BANP: variants seen among roughly 807,000 people sequenced by gnomAD.
The protein encoded by BANP is BTG3 associated nuclear protein, also known as protein BANP.
Under a neutral mutation model 68.1 loss-of-function variants are expected in BANP, and 11 were observed. The ratio of observed to expected loss-of-function variants is 0.16; its 90% CI spans 0.10 to 0.27. The LOEUF is 0.27. BANP is among the 10% of genes least tolerant of loss of function. The pLI is 1.00. For missense variants in BANP, 504 were observed against 722.7 expected, an observed-to-expected ratio of 0.70 and a Z score of 3.47; for synonymous variants, 329 against 303.2, an observed-to-expected ratio of 1.09 and a Z score of -0.88.
intron 6 of BANP, among the ~76,000 whole-genome samples, chr16:88,013,480 C>G (rs1230992521): frequency 2.0e-5 from 3 of 152,102 alleles, no homozygotes; most frequent in African/African-American, 7.2e-5. Flanking sequence ...TGGGCCCGCC[C>G]CATGCCTAGT....
chr16:88,064,296 C>T lies in BANP; in HGVS notation c.1312-971C>T, dbSNP rs562575772. Among the ~76,000 whole-genome samples, 1 of 152,304 alleles carries T rather than the reference C, an allele frequency of 6.6e-6. No homozygotes were observed. The highest frequency in any genetic ancestry group is 1.9e-4 in the East Asian group (1 of 5,176). The stretch of plus-strand genomic sequence containing the variant: ...GCCTCCGTGGCAGCGCTCCCAGCAC[C>T]CTGTGCGTCCCTTGCACCCTTGCCC... On this transcript the variant is annotated intron_variant, in intron 11 of 13. Transcript: ENST00000682872. This position sits in a 1 kb window ranked among gnomAD's most constrained non-coding sequence, Gnocchi z 4.5.
rs373405995 is a variant in BANP at position 87,957,539 on chromosome 16, C to T, written c.-69+6024C>T. Among the ~76,000 whole-genome samples the T allele has an allele frequency of 9.1e-4, 138 of 152,344 alleles. 1 individual carries two copies. The highest frequency in any genetic ancestry group is 3.1e-3 in the African/African-American group (127 of 41,582). On this transcript the variant is annotated intron_variant, in intron 1 of 13. Transcript: ENST00000682872. This position sits in a 1 kb window ranked among gnomAD's most constrained non-coding sequence, Gnocchi z 4.3. Reference sequence around the variant, plus strand: ...CACGGAGGCCTGCCGCAGGGCCCTGCGCTGACAAACCTTTCGCTAGTGACC... The same window carrying T: ...CACGGAGGCCTGCCGCAGGGCCCTGTGCTGACAAACCTTTCGCTAGTGACC...
At position 88,007,935 on chromosome 16, in the gene BANP, A is replaced by G. The variant is rs117622177; in HGVS notation, c.655+1670A>G. 5.8e-3 allele frequency among the ~76,000 whole-genome samples: 875 copies of G among 152,080 alleles called. 2 individuals carry two copies. The highest frequency in any genetic ancestry group is 9.7e-3 in the Non-Finnish European group (660 of 68,000). On this transcript the variant is annotated intron_variant, in intron 6 of 13. Transcript: ENST00000682872. Reference sequence around the variant, plus strand: ...AGCATACGTCTCAGTTGTTTTTAGTATATTCTCAAGGTTGTACAGTCATCA... The same window carrying G: ...AGCATACGTCTCAGTTGTTTTTAGTGTATTCTCAAGGTTGTACAGTCATCA...
chr16:88,061,735 G>A (rs921018705), intron 11 of BANP, among the ~76,000 whole-genome samples: 2 of 151,124 alleles, frequency 1.3e-5, no homozygotes, highest in African/African-American at 2.4e-5. Flanking sequence ...GCACGATCTC[G>A]GCTCACCGCA....
intron 4 of BANP, among the ~76,000 whole-genome samples, chr16:87,999,388 G>A (rs1428089247): frequency 2.2e-5 from 3 of 136,584 alleles, no homozygotes; most frequent in African/African-American, 2.8e-5. Flanking sequence ...ATGCACGCAC[G>A]TGCGCGGCTG....
chr16:88,041,977 G>C (rs564843734), intron 11 of BANP, among the ~76,000 whole-genome samples: 1 of 152,226 alleles, frequency 6.6e-6, no homozygotes, highest in South Asian at 2.1e-4. Context: ...AGGAGGGTGA[G>C]AGACGCAGTA....
chr16:88,005,087 C>T (rs931537713), intron 5 of BANP, among the ~76,000 whole-genome samples: 10 of 152,230 alleles, frequency 6.6e-5, no homozygotes, highest in African/African-American at 2.4e-4. Flanking sequence ...CCTCCTCCTC[C>T]AGCTTCGTCC....
chr16:88,035,266 T>G, intron 9 of BANP, 57 bp from the exon 10 acceptor site: 2 of 1,436,894 alleles, frequency 1.4e-6, no homozygotes, highest in Non-Finnish European at 1.9e-6. Context: ...AGATGTTTCT[T>G]GTTTCCTTTG....
At chr16:88,005,804 G>C (rs148203069) in intron 5 of BANP, among the ~76,000 whole-genome samples, 131 of 152,364 alleles carry the variant, frequency 8.6e-4, no homozygotes, top group African/African-American at 2.4e-3. Flanking sequence ...ACTGAACTCA[G>C]AAGGCAGCAT....
intron 1 of BANP, among the ~76,000 whole-genome samples, chr16:87,961,029 T>C (rs745895471): frequency 1.3e-5 from 2 of 152,208 alleles, no homozygotes; most frequent in African/African-American, 4.8e-5. Flanking sequence ...GAACAACATT[T>C]GCAAGAGCTG....
At chr16:87,988,182 G>A (rs538245792) in intron 4 of BANP, among the ~76,000 whole-genome samples, 1 of 152,272 alleles carries the variant, frequency 6.6e-6, no homozygotes, top group East Asian at 1.9e-4. Flanking sequence ...ATTGGGCAGT[G>A]GAACATTGAA....
chr16:87,999,289 T>C (rs1174918321), intron 4 of BANP, among the ~76,000 whole-genome samples: 4 of 140,712 alleles, frequency 2.8e-5, no homozygotes, highest in Admixed American at 2.8e-4. Flanking sequence ...TGCATGCACT[T>C]GCACGGCTGT....
At chr16:87,985,947 G>GT (rs1214066181) in intron 4 of BANP, among the ~76,000 whole-genome samples, 3 of 152,224 alleles carry the variant, frequency 2.0e-5, no homozygotes, top group Admixed American at 6.5e-5. Flanking sequence ...GTTGAATAGA[G>GT]TAAGATTCTG....
Position 88,076,875 on chromosome 16 carries a change from T to C in BANP, c.*214T>C, listed in dbSNP as rs1020596724. 7.2e-6 allele frequency: 4 copies of C among 553,782 alleles called. No homozygotes were observed. Among genetic ancestry groups the C allele is most frequent in the African/African-American group, 5.7e-5 (3 of 52,414 alleles). The allele number at this position is 553,782 out of a possible 1,614,324, so 34.3% of individuals were successfully genotyped here. On this transcript the variant is annotated 3_prime_UTR_variant, in exon 14 of 14. Coordinates refer to ENST00000682872, the MANE Select transcript of BANP (RefSeq NM_001386991.1). ...GAGACCCCTTTCGTTTGAGTCCTGCTGTTGGTGTCGGAGCACGAGGGGAGG... is the reference window on the plus strand; with the variant it reads ...GAGACCCCTTTCGTTTGAGTCCTGCCGTTGGTGTCGGAGCACGAGGGGAGG...
rs766677355 is a variant in BANP, at chr16:88,033,149, G to A, written c.1104G>A (p.Pro368=). ...MSTPPPASEL[P]QPQPQPQALH... ...CCCCACCTCCTGCCAGCGAGCTCCC[G>A]CAGCCACAGCCGCAGCCGCAGGCCC... Residue 368 remains proline (P), a synonymous_variant, in exon 9 of 14, where the codon CCG becomes CCA. Coordinates refer to ENST00000682872, the MANE Select transcript of BANP (RefSeq NM_001386991.1). 15 of 1,609,166 alleles carry A rather than the reference G, an allele frequency of 9.3e-6. No homozygotes were observed. Among genetic ancestry groups the A allele is most frequent in the South Asian group, 3.3e-5 (3 of 90,826 alleles).
intron 1 of BANP, among the ~76,000 whole-genome samples, chr16:87,974,246 T>C (rs1209120549): frequency 1.3e-5 from 2 of 152,340 alleles, no homozygotes; most frequent in East Asian, 1.9e-4. Flanking sequence ...CCATAGACCA[T>C]AGTTTGAATG....
At chr16:88,034,756 C>T (rs1232008042) in intron 9 of BANP, among the ~76,000 whole-genome samples, 1 of 152,176 alleles carries the variant, frequency 6.6e-6, no homozygotes, top group East Asian at 1.9e-4. Context: ...AAATATCTTT[C>T]CTGGGACCTA....
chr16:87,979,295 C>G (rs2062812648), intron 2 of BANP, among the ~76,000 whole-genome samples: 1 of 152,142 alleles, frequency 6.6e-6, no homozygotes. Flanking sequence ...TCCTCTAGCA[C>G]CTGGAGAATC....
At chr16:87,986,721 G>C (rs2064522332) in intron 4 of BANP, among the ~76,000 whole-genome samples, 1 of 152,104 alleles carries the variant, frequency 6.6e-6, no homozygotes, top group South Asian at 2.1e-4. Flanking sequence ...CCCTCTGCTG[G>C]GGGCAAATGA....
Sources: allele counts gnomAD v4.1 joint callset (sites outside exome capture counted in the v4.1 genomes callset), GRCh38; gene constraint gnomAD v4.1.1; non-coding constraint Gnocchi (gnomAD v3.1); transcripts MANE v1.5; gene names NCBI Gene and HGNC (gene_info 2026-07-23, HGNC 2026-07-21).